BCO1: variants seen among roughly 807,000 people sequenced by gnomAD.
BCO1 encodes beta-carotene oxygenase 1.
A neutral mutation model predicts 56.3 loss-of-function variants in BCO1; 54 were observed. The ratio of observed to expected loss-of-function variants is 0.96; its 90% CI spans 0.77 to 1.20. The LOEUF (loss-of-function observed/expected upper bound fraction) is 1.20, where lower values mean the gene tolerates loss of function less well. Among genes scored for constraint, BCO1 ranks in the 50% most tolerant of loss-of-function variants. The probability of loss-of-function intolerance (pLI) is 0.00; values close to 1 mark genes in which losing one functional copy is unlikely to be tolerated. For missense variants in BCO1, 801 were observed against 690.9 expected (o/e 1.16, Z -1.79); for synonymous variants, 318 against 266.1 (o/e 1.20, Z -1.90).
chr16:81,254,290 G>A (rs1015302984), intron 2 of BCO1, among the ~76,000 whole-genome samples: 10 of 143,512 alleles, frequency 7.0e-5, no homozygotes, highest in African/African-American at 2.1e-4. Context: ...CACCACGCCC[G>A]GCTAATTTTT....
intron 8 of BCO1, among the ~76,000 whole-genome samples, chr16:81,283,806 A>C (rs1908013835): frequency 6.6e-6 from 1 of 152,094 alleles, no homozygotes; most frequent in Admixed American, 6.6e-5. Flanking sequence ...GGCGGCAACC[A>C]CCTAGAATAT....
intron 6 of BCO1, among the ~76,000 whole-genome samples, chr16:81,268,531 G>A (rs886625652): frequency 2.0e-5 from 3 of 152,140 alleles, no homozygotes; most frequent in Non-Finnish European, 2.9e-5. Context: ...GGGCGGTAGC[G>A]GCCAGAGGTT....
intron 2 of BCO1, among the ~76,000 whole-genome samples, chr16:81,247,240 G>A (rs1318229775): frequency 6.6e-6 from 1 of 152,146 alleles, no homozygotes; most frequent in African/African-American, 2.4e-5. Flanking sequence ...ATTACGTTAA[G>A]TCTCTCAGCC....
chr16:81,282,024 T>C (rs1339227229), intron 8 of BCO1, among the ~76,000 whole-genome samples: 1 of 152,182 alleles, frequency 6.6e-6, no homozygotes, highest in East Asian at 1.9e-4. Context: ...TACGCCAAAG[T>C]GCAGAATGAA....
In BCO1 at chr16:81,290,551, G is replaced by A. The variant is rs376817384; in HGVS notation, c.1618G>A (p.Asp540Asn). ...ASEEQRDRAS[D>N]CHGAPLT ...TGAGGAACAGCGGGACAGGGCTTCC[G>A]ACTGCCACGGGGCTCCTCTGACCTG... Residue 540 changes from aspartate to asparagine, a missense_variant, in exon 11 of 11, where the codon GAC becomes AAC. By Grantham distance (23) the Asp-to-Asn change is conservative (BLOSUM62 1). Transcript: ENST00000258168. 19 of 1,613,804 alleles carry A rather than the reference G, an allele frequency of 1.2e-5. No individual in the cohort carries two copies. Among genetic ancestry groups the A allele is most frequent in the East Asian group, 2.2e-5 (1 of 44,884 alleles).
At chr16:81,245,043 A>G (rs1373600636) in intron 1 of BCO1, among the ~76,000 whole-genome samples, 1 of 152,054 alleles carries the variant, frequency 6.6e-6, no homozygotes, top group Non-Finnish European at 1.5e-5. Context: ...GGCGCTCACT[A>G]TGACGCCCAG....
rs1331990712 is a variant in BCO1, at chr16:81,287,397, G to A, written c.1405G>A (p.Glu469Lys). The A allele has an allele frequency of 1.2e-6, 2 of 1,613,630 alleles. No homozygotes were observed. ...LFVPAPGAKD[E>K]DDGVILSAIV... is the part of the protein sequence containing the mutation. Reference sequence around the variant, plus strand: ...TGTGCCCGCGCCAGGTGCCAAGGATGAGGATGACGGTAAGACTCTAAGAAG... The same window carrying A: ...TGTGCCCGCGCCAGGTGCCAAGGATAAGGATGACGGTAAGACTCTAAGAAG... The change falls in exon 10 of 11, where the codon GAG (glutamate) becomes AAG (lysine). Residue 469 changes from glutamate (E) to lysine (K), a missense_variant. Coordinates refer to ENST00000258168, the MANE Select transcript of BCO1 (RefSeq NM_017429.3).
intron 2 of BCO1, among the ~76,000 whole-genome samples, 182 bp downstream of exon 2, chr16:81,245,785 T>C (rs1261749726): frequency 6.6e-6 from 1 of 150,860 alleles, no homozygotes; most frequent in Non-Finnish European, 1.5e-5. Flanking sequence ...AGGAAAAATA[T>C]CCACGTTCTT....
intron 2 of BCO1, among the ~76,000 whole-genome samples, chr16:81,251,371 T>TAACATAG (rs1905786327): frequency 6.6e-6 from 1 of 151,774 alleles, no homozygotes; most frequent in South Asian, 2.1e-4. Context: ...CAAGCCTGGG[T>TAACATAG]AACATAGTGA....
At chr16:81,262,442 T>C (rs1266720171) in intron 4 of BCO1, 159 bp downstream of exon 4, 1 of 748,928 alleles carries the variant, frequency 1.3e-6, no homozygotes, top group African/African-American at 1.7e-5. Context: ...TACTGCTAGA[T>C]GCTAGGCAGG....
At chr16:81,279,401 G>C (rs7192773) in intron 7 of BCO1, among the ~76,000 whole-genome samples, 39,275 of 152,106 alleles carry the variant, frequency 0.26, 5,409 homozygotes, top group Middle Eastern at 0.39. Flanking sequence ...CTAACCCGTA[G>C]TCACCTCCAG....
At chr16:81,247,255 T>C (rs528258725) in intron 2 of BCO1, among the ~76,000 whole-genome samples, 67 of 152,322 alleles carry the variant, frequency 4.4e-4, no homozygotes, top group African/African-American at 1.4e-3. Flanking sequence ...TCAGCCTCAG[T>C]TTCCTCATCA....
chr16:81,271,035 C>T (rs1012282281), intron 7 of BCO1, among the ~76,000 whole-genome samples: 2 of 151,926 alleles, frequency 1.3e-5, no homozygotes, highest in East Asian at 1.9e-4. Flanking sequence ...TGAGCCACTG[C>T]ACCTGGCTGT....
intron 2 of BCO1, among the ~76,000 whole-genome samples, chr16:81,246,917 G>A (rs921676921): frequency 2.0e-5 from 3 of 149,350 alleles, no homozygotes; most frequent in Non-Finnish European, 1.5e-5. Flanking sequence ...TGCCCATTAA[G>A]CAAGACAGAG....
chr16:81,281,068 A>G, intron 8 of BCO1, 106 bp downstream of exon 8: 2 of 816,940 alleles, frequency 2.4e-6, no homozygotes, highest in South Asian at 2.9e-5. Context: ...GACAAGGGCC[A>G]AAAAGGAAAG....
chr16:81,244,612 G>A (rs1345976026), intron 1 of BCO1, among the ~76,000 whole-genome samples: 1 of 151,798 alleles, frequency 6.6e-6, no homozygotes, highest in Non-Finnish European at 1.5e-5. Flanking sequence ...ACTTAGCCAG[G>A]TTGCCTCCTC....
intron 4 of BCO1, among the ~76,000 whole-genome samples, chr16:81,264,413 A>G (rs1366709859): frequency 6.6e-6 from 1 of 152,146 alleles, no homozygotes; most frequent in Non-Finnish European, 1.5e-5. Flanking sequence ...TCAAATCCCC[A>G]TGTGAGGTTG....
Position 81,282,017 on chromosome 16 carries a change from G to A in BCO1, c.1207+1055G>A, listed in dbSNP as rs1312402723. Among the ~76,000 whole-genome samples the A allele has an allele frequency of 5.3e-5, 8 of 152,336 alleles. No individual in the cohort carries two copies. The East Asian group carries it at 1.5e-3, about 29-fold the overall frequency. On this transcript the variant is annotated intron_variant, in intron 8 of 10. Coordinates refer to ENST00000258168, the MANE Select transcript of BCO1 (RefSeq NM_017429.3). Reference sequence around the variant, plus strand: ...GCATAGAGAGGTCTGTGTTCCATACGCCAAAGTGCAGAATGAATGGACTTG... The same window carrying A: ...GCATAGAGAGGTCTGTGTTCCATACACCAAAGTGCAGAATGAATGGACTTG...
intron 7 of BCO1, among the ~76,000 whole-genome samples, chr16:81,278,330 C>T (rs1907676368): frequency 6.6e-6 from 1 of 152,144 alleles, no homozygotes; most frequent in Non-Finnish European, 1.5e-5. Context: ...GCATGAGCCC[C>T]CGCACTCAGC....
Sources: gnomAD v4.1 joint callset for allele counts (sites outside exome capture counted in the v4.1 genomes callset) on GRCh38, gnomAD v4.1.1 for gene constraint, MANE v1.5 for transcripts, NCBI Gene and HGNC (gene_info 2026-07-23, HGNC 2026-07-21) for gene names.